The following RABGAP1L variants were observed in gnomAD, a reference collection of about 807,000 sequenced individuals.
RABGAP1L encodes the protein rab GTPase-activating protein 1-like.
A neutral mutation model predicts 137.7 loss-of-function variants in RABGAP1L; 63 were observed. That is an observed-to-expected ratio of 0.46 (90% CI 0.37 to 0.56). The LOEUF (loss-of-function observed/expected upper bound fraction) is 0.56. Among genes scored for constraint, RABGAP1L ranks in the 20% least tolerant of loss-of-function variants. RABGAP1L has a pLI of 0.00. For missense variants in RABGAP1L, 1,095 were observed against 1,244.0 expected (o/e 0.88, Z 1.80); for synonymous variants, 431 against 433.7 (o/e 0.99, Z 0.08).
At chr1:174,456,181 G>C (rs992051838) in intron 13 of RABGAP1L, among the ~76,000 whole-genome samples, 1 of 152,000 alleles carries the variant, frequency 6.6e-6, no homozygotes, top group Non-Finnish European at 1.5e-5. Flanking sequence ...TTAATCAGAT[G>C]TATTATCAGG....
chr1:174,839,583 G>A (rs571950470), intron 19 of RABGAP1L, among the ~76,000 whole-genome samples: 1 of 152,336 alleles, frequency 6.6e-6, no homozygotes, highest in Non-Finnish European at 1.5e-5. Flanking sequence ...GGAGGGCTCA[G>A]AGAAAGATGG....
At chr1:174,903,866 C>G (rs538382290) in intron 19 of RABGAP1L, among the ~76,000 whole-genome samples, 7 of 151,588 alleles carry the variant, frequency 4.6e-5, no homozygotes, top group African/African-American at 1.7e-4. Flanking sequence ...AGGAGAATCG[C>G]TTGAAGCCGT....
chr1:174,317,358 G>C (rs1434330787), intron 11 of RABGAP1L, among the ~76,000 whole-genome samples: 1 of 152,088 alleles, frequency 6.6e-6, no homozygotes, highest in Non-Finnish European at 1.5e-5. Context: ...CAGATAGCAG[G>C]TGATGAACGC....
chr1:174,326,264 G>T (rs935901501), intron 11 of RABGAP1L, among the ~76,000 whole-genome samples: 4 of 152,180 alleles, frequency 2.6e-5, no homozygotes, highest in South Asian at 2.1e-4. Context: ...GGTGGACAAA[G>T]AATTCAAAAT....
At position 174,881,410 on chromosome 1, in the gene RABGAP1L, G is replaced by A. The variant is rs541159509; in HGVS notation, c.2340+69450G>A. Among the ~76,000 whole-genome samples, 15 of 148,226 alleles carry A rather than the reference G, an allele frequency of 1.0e-4. No individual in the cohort carries two copies. In the South Asian group the frequency reaches 1.9e-3, roughly 19 times the overall value. On this transcript the variant is annotated intron_variant, in intron 19 of 25. Coordinates refer to ENST00000681986, the MANE Select transcript of RABGAP1L (RefSeq NM_001366446.1). Reference sequence around the variant, plus strand: ...TTTATCAGATTTGAAATTTAAAATCGTCTTTTGGAGGTAATATTTGGGTTT... The same window carrying A: ...TTTATCAGATTTGAAATTTAAAATCATCTTTTGGAGGTAATATTTGGGTTT...
At chr1:174,782,466 G>T (rs1206002105) in intron 18 of RABGAP1L, among the ~76,000 whole-genome samples, 1 of 152,150 alleles carries the variant, frequency 6.6e-6, no homozygotes, top group Non-Finnish European at 1.5e-5. Context: ...GAGATTTTGG[G>T]CTGAGACGAT....
intron 19 of RABGAP1L, among the ~76,000 whole-genome samples, chr1:174,918,971 C>T (rs565684537): frequency 6.6e-5 from 10 of 151,044 alleles, no homozygotes; most frequent in African/African-American, 1.7e-4. Context: ...GAGCTCTGAT[C>T]GTGCCACTGC....
intron 12 of RABGAP1L, among the ~76,000 whole-genome samples, chr1:174,384,851 T>G (rs996205219): frequency 1.3e-5 from 2 of 152,352 alleles, no homozygotes; most frequent in East Asian, 1.9e-4. Flanking sequence ...TTCTGTCCAA[T>G]TTTATGAACA....
intron 13 of RABGAP1L, among the ~76,000 whole-genome samples, chr1:174,621,278 C>G (rs1012518613): frequency 1.3e-5 from 2 of 152,140 alleles, no homozygotes; most frequent in Non-Finnish European, 2.9e-5. Flanking sequence ...GCCATACTCC[C>G]CAAGGTAATT....
At chr1:174,874,531 T>C in intron 19 of RABGAP1L, 1 of 978,780 alleles carries the variant, frequency 1.0e-6, no homozygotes, top group Non-Finnish European at 1.2e-6. Context: ...CAAATGGTAT[T>C]GTCCACACCA....
intron 13 of RABGAP1L, among the ~76,000 whole-genome samples, chr1:174,588,056 G>A (rs1005167848): frequency 6.6e-6 from 1 of 152,028 alleles, no homozygotes; most frequent in Non-Finnish European, 1.5e-5. Context: ...AGTAGGGACA[G>A]ATTTTTGCAA....
chr1:174,484,732 A>G (rs1348618868), intron 13 of RABGAP1L, among the ~76,000 whole-genome samples: 2 of 152,030 alleles, frequency 1.3e-5, no homozygotes, highest in African/African-American at 2.4e-5. Flanking sequence ...TAGGTTCTCT[A>G]TTCTGTGCCG....
intron 11 of RABGAP1L, among the ~76,000 whole-genome samples, chr1:174,346,563 A>G (rs1455217871): frequency 1.3e-5 from 2 of 152,064 alleles, no homozygotes; most frequent in East Asian, 1.9e-4. Context: ...TAATTCTTCA[A>G]ATATCTGCAG....
chr1:174,526,858 C>G (rs1663917005), intron 13 of RABGAP1L, among the ~76,000 whole-genome samples: 1 of 151,934 alleles, frequency 6.6e-6, no homozygotes, highest in Non-Finnish European at 1.5e-5. Flanking sequence ...TTCTTCCTTT[C>G]TACCAATTTG....
At chr1:174,408,825 G>A (rs1367395618) in intron 13 of RABGAP1L, among the ~76,000 whole-genome samples, 2 of 152,038 alleles carry the variant, frequency 1.3e-5, no homozygotes, top group African/African-American at 4.8e-5. Context: ...GTGATGTTGA[G>A]CATTTTTTCA....
At chr1:174,383,645 G>A (rs950288898) in intron 12 of RABGAP1L, among the ~76,000 whole-genome samples, 12 of 152,122 alleles carry the variant, frequency 7.9e-5, no homozygotes, top group African/African-American at 1.2e-4. Context: ...GCCCTGCTTC[G>A]GCTCGCGCAC....
At chr1:174,478,011 A>G (rs542337024) in intron 13 of RABGAP1L, among the ~76,000 whole-genome samples, 2 of 152,130 alleles carry the variant, frequency 1.3e-5, no homozygotes, top group South Asian at 2.1e-4. Context: ...AATTACTTTA[A>G]TATGATTCTG....
intron 13 of RABGAP1L, among the ~76,000 whole-genome samples, chr1:174,554,316 C>T (rs888957404): frequency 3.9e-5 from 6 of 152,056 alleles, no homozygotes; most frequent in Non-Finnish European, 7.4e-5. Context: ...AGTGTTGAAC[C>T]TACTTAATCT....
chr1:174,204,830 C>G (rs1668391005), intron 1 of RABGAP1L, among the ~76,000 whole-genome samples: 1 of 152,012 alleles, frequency 6.6e-6, no homozygotes, highest in Non-Finnish European at 1.5e-5. Context: ...TCCCCCTTCA[C>G]TCTCTCTCTC....
Sources: allele counts gnomAD v4.1 joint callset (sites outside exome capture counted in the v4.1 genomes callset), GRCh38; gene constraint gnomAD v4.1.1; transcripts MANE v1.5; gene names NCBI Gene and HGNC (gene_info 2026-07-23, HGNC 2026-07-21).